SHQ1: variants seen among roughly 807,000 people sequenced by gnomAD.
SHQ1 encodes SHQ1, H/ACA ribonucleoprotein assembly factor, also known as protein SHQ1 homolog.
In SHQ1, 49 loss-of-function variants were observed where a neutral mutation model predicts 53.8. The ratio of observed to expected loss-of-function variants is 0.91; its 90% CI spans 0.72 to 1.16. The LOEUF is 1.16. Ranked by LOEUF, SHQ1 falls within the 50% of genes most tolerant of loss-of-function variation. The pLI is 0.00. For missense variants in SHQ1, 738 were observed against 683.1 expected (o/e 1.08, Z -0.90); for synonymous variants, 243 against 251.0 (o/e 0.97, Z 0.30).
chr3:72,764,265 C>A (rs974655376), intron 10 of SHQ1, among the ~76,000 whole-genome samples: 4 of 152,046 alleles, frequency 2.6e-5, no homozygotes, highest in Non-Finnish European at 4.4e-5. Flanking sequence ...TGATGGCAGC[C>A]TAGAACTCCT....
At chr3:72,794,383 C>T (rs1009924693) in intron 9 of SHQ1, 2 of 152,112 alleles carry the variant, frequency 1.3e-5, no homozygotes, top group East Asian at 1.9e-4. Flanking sequence ...AACAGAACAC[C>T]GCAACAGCAG....
Position 72,848,237 on chromosome 3 carries a change from C to T in SHQ1, c.104G>A (p.Gly35Glu). ...CTTGGCGTAGAACTTGAAGTCAGAC[C>T]CCTCGAAGTAGACGTCGAACTCGGA... The part of the protein sequence containing the change: ...RVSEFDVYFE[G>E]SDFKFYAKPY... The change falls in exon 1 of 11, where the codon GGG becomes GAG. Residue 35 changes from glycine (G) to glutamate (E), a missense_variant. Transcript: ENST00000325599. The T allele has an allele frequency of 6.2e-7, 1 of 1,614,168 alleles. No homozygotes were observed. The highest frequency in any genetic ancestry group is 1.1e-5 in the South Asian group (1 of 91,086).
intron 4 of SHQ1, among the ~76,000 whole-genome samples, chr3:72,839,276 C>T (rs1262378706): frequency 6.6e-6 from 1 of 152,212 alleles, no homozygotes; most frequent in East Asian, 1.9e-4. Context: ...GAGGGCCATT[C>T]ACTGTAGTTC....
intron 2 of SHQ1, among the ~76,000 whole-genome samples, chr3:72,843,346 G>C (rs966648686): frequency 2.6e-5 from 4 of 152,122 alleles, no homozygotes; most frequent in African/African-American, 4.8e-5. Flanking sequence ...GGCTTAATAA[G>C]GTTTTCTGGC....
chr3:72,750,074 GAA>G lies in SHQ1; in HGVS notation c.*208_*209del, dbSNP rs1705331777. 2.9e-5 allele frequency: 16 copies of G among 551,942 alleles called. No homozygotes were observed. In the South Asian group the frequency reaches 3.7e-4, roughly 13 times the overall value. 34.2% of individuals were successfully genotyped at this position (551,942 alleles called of 1,614,324 possible). Reference sequence around the variant, plus strand: ...TGTATTATTTAGAGAATAATAACAAGAAAAAAGTCTGTACATGTTTGGTACAG... The same window carrying G: ...TGTATTATTTAGAGAATAATAACAAGAAAAGTCTGTACATGTTTGGTACAG... On this transcript the variant is annotated 3_prime_UTR_variant, in exon 11 of 11. Coordinates refer to ENST00000325599, the MANE Select transcript of SHQ1 (RefSeq NM_018130.3).
chr3:72,840,242 TA>T (rs71623990), intron 4 of SHQ1, among the ~76,000 whole-genome samples: 3,147 of 93,574 alleles, frequency 0.034, 128 homozygotes, highest in African/African-American at 0.12. Flanking sequence ...GACTCTGTCT[TA>T]AAAAAAAAAA....
chr3:72,802,113 CATGT>C (rs1706806279), intron 9 of SHQ1, among the ~76,000 whole-genome samples: 1 of 152,198 alleles, frequency 6.6e-6, no homozygotes, highest in Non-Finnish European at 1.5e-5. Flanking sequence ...AGACAACAAA[CATGT>C]AAGTACTTTA....
chr3:72,751,496 G>GTAAATATATATATA (rs1372925082), intron 10 of SHQ1, among the ~76,000 whole-genome samples: 2 of 117,154 alleles, frequency 1.7e-5, no homozygotes, highest in African/African-American at 4.3e-5. Context: ...GTGTGTGTGT[G>GTAAATATATATATA]TGTGTGTGTG....
At chr3:72,762,241 G>A (rs1444498606) in intron 10 of SHQ1, among the ~76,000 whole-genome samples, 4 of 152,140 alleles carry the variant, frequency 2.6e-5, no homozygotes. Context: ...GCTCTCATAA[G>A]GTTTATCCAA....
intron 1 of SHQ1, chr3:72,846,257 G>A: frequency 6.5e-7 from 1 of 1,535,274 alleles, no homozygotes; most frequent in Middle Eastern, 1.7e-4. Context: ...CAAGGAGAGG[G>A]ACCAGGTTTT....
downstream of SHQ1, among the ~76,000 whole-genome samples, chr3:72,744,444 T>C (rs1705220888): frequency 6.6e-6 from 1 of 152,206 alleles, no homozygotes. Context: ...TCCTCTAACT[T>C]ATCTTTTCAT....
rs116560145 is a variant in SHQ1 at position 72,786,863 on chromosome 3, A to G, written c.1181+6053T>C. 4.8e-3 allele frequency among the ~76,000 whole-genome samples: 727 copies of G among 152,346 alleles called. 4 individuals are homozygous for G. Among genetic ancestry groups the G allele is most frequent in the African/African-American group, 0.016 (681 of 41,584 alleles). On this transcript the variant is annotated intron_variant, in intron 10 of 10. Coordinates refer to ENST00000325599, the MANE Select transcript of SHQ1 (RefSeq NM_018130.3). ...TGCAATTCTGATGTTGCACCTCTGC[A>G]TATGAGTCTCTCTCACTACCTCATT...
intron 9 of SHQ1, among the ~76,000 whole-genome samples, chr3:72,800,478 G>A (rs1407295317): frequency 6.6e-6 from 1 of 152,228 alleles, no homozygotes; most frequent in Non-Finnish European, 1.5e-5. Context: ...CAGCTAGGAA[G>A]CAAGAATCAG....
chr3:72,777,451 C>T (rs75831338), intron 10 of SHQ1, among the ~76,000 whole-genome samples: 3,150 of 152,284 alleles, frequency 0.021, 99 homozygotes, highest in Middle Eastern at 0.058. Context: ...AGATGCTCAG[C>T]TTCACTAGTA....
At chr3:72,752,483 T>C (rs1348130814) in intron 10 of SHQ1, among the ~76,000 whole-genome samples, 1 of 152,188 alleles carries the variant, frequency 6.6e-6, no homozygotes, top group Non-Finnish European at 1.5e-5. Context: ...ATCAGCAGCA[T>C]GGAGTGCTTT....
At chr3:72,740,007 G>C in the SHQ1 span, among the ~76,000 whole-genome samples, 2 of 152,076 alleles carry the variant, frequency 1.3e-5, no homozygotes, top group African/African-American at 4.8e-5. Context: ...GTGGCCGCTG[G>C]AAGCTGTCAC....
At chr3:72,734,353 T>A in the SHQ1 span, among the ~76,000 whole-genome samples, 1 of 151,116 alleles carries the variant, frequency 6.6e-6, no homozygotes, top group Non-Finnish European at 1.5e-5. Context: ...GTCTCCCAGG[T>A]TCGGTGATTC....
At position 72,841,219 on chromosome 3, in the gene SHQ1, A is replaced by AT; in HGVS notation, c.332-21dup. The AT allele has an allele frequency of 6.9e-6, 11 of 1,588,576 alleles. No individual in the cohort carries two copies. Among genetic ancestry groups the AT allele is most frequent in the East Asian group, 2.3e-5 (1 of 44,356 alleles). On this transcript the variant is annotated intron_variant, in intron 3 of 10. Transcript: ENST00000325599. The stretch of plus-strand genomic sequence containing the variant: ...AAGCACCTGAATGTGTTAAATTTTA[A>AT]TTTTTTTTAAGTATTGGATTTAAGT...
chr3:72,783,515 T>C (rs146608362), intron 10 of SHQ1, among the ~76,000 whole-genome samples: 227 of 152,156 alleles, frequency 1.5e-3, no homozygotes, highest in African/African-American at 5.3e-3. Context: ...GGTCTCATTA[T>C]GGTGCCCAAG....
Sources: allele counts gnomAD v4.1 joint callset (sites outside exome capture counted in the v4.1 genomes callset), GRCh38; gene constraint gnomAD v4.1.1; transcripts MANE v1.5; gene names NCBI Gene and HGNC (gene_info 2026-07-23, HGNC 2026-07-21).